Variants in XXYLT1 observed in about 807,000 individuals in gnomAD.
XXYLT1 encodes the protein UDP-xylose:alpha-xyloside alpha-1,3-xylosyltransferase.
Under a neutral mutation model 28.9 loss-of-function variants are expected in XXYLT1, and 20 were observed. The observed-to-expected ratio is 0.69, with a 90% CI of 0.49 to 1.00. The LOEUF (loss-of-function observed/expected upper bound fraction) is 1.00, where lower values mean the gene tolerates loss of function less well. XXYLT1 is among the 50% of genes least tolerant of loss of function. The pLI is 0.00. For synonymous variants in XXYLT1, 257 were observed against 253.8 expected, an observed-to-expected ratio of 1.01 and a Z score of -0.12; for missense variants, 542 against 560.1, an observed-to-expected ratio of 0.97 and a Z score of 0.33.
rs1714674282 is a variant in XXYLT1 at position 195,069,556 on chromosome 3, C to T, written c.*159G>A. 1 of 1,111,108 alleles carries T rather than the reference C, an allele frequency of 9.0e-7. No homozygotes were observed. Among genetic ancestry groups the T allele is most frequent in the African/African-American group, 1.6e-5 (1 of 63,830 alleles). The allele number at this position is 1,111,108 out of a possible 1,614,324, so 68.8% of individuals were successfully genotyped here. A position where few individuals can be genotyped will look rare whatever the true frequency, so the allele number is the denominator to read the frequency against. ...CAGGCCAGTCCTTGGCGGGTGGCCT[C>T]AGCACAGTGACCTGCCCGGCAGGAG... On this transcript the variant is annotated 3_prime_UTR_variant, in exon 4 of 4. Coordinates refer to ENST00000310380, the MANE Select transcript of XXYLT1 (RefSeq NM_152531.5).
At chr3:195,228,355 C>G (rs58048006) in intron 1 of XXYLT1, among the ~76,000 whole-genome samples, 3,549 of 152,246 alleles carry the variant, frequency 0.023, 115 homozygotes, top group African/African-American at 0.076. Flanking sequence ...TTCCCCTTTC[C>G]CTCCACCTGC....
At chr3:195,089,283 C>T (rs62290273) in intron 3 of XXYLT1, among the ~76,000 whole-genome samples, 3 of 152,094 alleles carry the variant, frequency 2.0e-5, no homozygotes, top group Non-Finnish European at 4.4e-5. Flanking sequence ...AGAGAAAGGT[C>T]GGGTTACCCA....
rs916029767 is a variant in XXYLT1, at chr3:195,070,075, C to T, written c.822G>A (p.Gln274=). ...TFWQFRHENP[Q]TRVGGPPPEG... is the part of the protein sequence containing the mutation. ...CGGGGGGCGGGCCCCCAACCCGGGT[C>T]TGGGGGTTCTCATGGCGGAACTGCC... The change falls in exon 4 of 4, where the codon CAG becomes CAA. Residue 274 remains glutamine, a synonymous_variant. Transcript: ENST00000310380. 5 of 1,586,864 alleles carry T rather than the reference C, an allele frequency of 3.2e-6. No individual in the cohort carries two copies. The highest frequency in any genetic ancestry group is 1.7e-5 in the Admixed American group (1 of 57,888).
chr3:195,259,622 C>T (rs1725608394), intron 1 of XXYLT1: 2 of 985,468 alleles, frequency 2.0e-6, no homozygotes, highest in Non-Finnish European at 2.4e-6. Context: ...CAGTCGCGTG[C>T]GACAGGCCTG....
chr3:195,267,244 C>A (rs1725874043), intron 1 of XXYLT1, among the ~76,000 whole-genome samples: 1 of 152,226 alleles, frequency 6.6e-6, no homozygotes, highest in African/African-American at 2.4e-5. Flanking sequence ...GGTCCCAGAG[C>A]CAACTGAAGG....
intron 1 of XXYLT1, among the ~76,000 whole-genome samples, chr3:195,265,513 AAT>A (rs1256828242): frequency 6.6e-6 from 1 of 152,252 alleles, no homozygotes; most frequent in African/African-American, 2.4e-5. Flanking sequence ...ACAAAGAAGC[AAT>A]ATTGCTGTGC....
At chr3:195,225,158 G>A (rs1723994480) in intron 2 of XXYLT1, among the ~76,000 whole-genome samples, 1 of 152,198 alleles carries the variant, frequency 6.6e-6, no homozygotes, top group African/African-American at 2.4e-5. Context: ...AAGGGTTGGT[G>A]AGCTGACAGA....
rs1014486819 is a variant in XXYLT1, at chr3:195,256,645, G to A, written c.504+13910C>T. 2.2e-6 allele frequency: 2 copies of A among 905,578 alleles called. No homozygotes were observed. Among genetic ancestry groups the A allele is most frequent in the African/African-American group, 3.6e-5 (2 of 55,552 alleles). 56.1% of individuals were successfully genotyped at this position (905,578 alleles called of 1,614,324 possible). On this transcript the variant is annotated intron_variant, in intron 1 of 3. Coordinates refer to ENST00000310380, the MANE Select transcript of XXYLT1 (RefSeq NM_152531.5). This position sits in a 1 kb window ranked among gnomAD's most constrained non-coding sequence, Gnocchi z 4.2. The stretch of plus-strand genomic sequence containing the variant: ...CCCCCAGCACTGTTTATACACGCCT[G>A]GAAGAGAACAGACTGTTACTCAGAG...
intron 1 of XXYLT1, among the ~76,000 whole-genome samples, chr3:195,248,248 C>T (rs1473087860): frequency 6.6e-6 from 1 of 152,138 alleles, no homozygotes; most frequent in Non-Finnish European, 1.5e-5. Flanking sequence ...CAGATACTAC[C>T]TCAGGAGGGG....
intron 2 of XXYLT1, chr3:195,214,984 C>T (rs911285327): frequency 6.6e-6 from 1 of 151,234 alleles, no homozygotes; most frequent in Non-Finnish European, 1.5e-5. Flanking sequence ...CGGCAGAAAC[C>T]CTACAAGCCA....
At chr3:195,154,704 C>A (rs1720467777) in intron 3 of XXYLT1, among the ~76,000 whole-genome samples, 1 of 152,222 alleles carries the variant, frequency 6.6e-6, no homozygotes, top group South Asian at 2.1e-4. Context: ...AGTCACACAG[C>A]ACGTTTGATC....
intron 2 of XXYLT1, chr3:195,183,757 A>G (rs896565978): frequency 6.6e-6 from 1 of 152,266 alleles, no homozygotes; most frequent in African/African-American, 2.4e-5. Flanking sequence ...CCAGAACCCA[A>G]CTGTTACCCA....
intron 2 of XXYLT1, among the ~76,000 whole-genome samples, chr3:195,172,545 G>A (rs887874129): frequency 1.3e-5 from 2 of 152,186 alleles, no homozygotes; most frequent in African/African-American, 4.8e-5. Context: ...ATCATTCAAC[G>A]AATATTTATT....
Position 195,248,982 on chromosome 3 carries a change from G to A in XXYLT1, c.504+21573C>T, listed in dbSNP as rs192010077. On this transcript the variant is annotated intron_variant, in intron 1 of 3. Coordinates refer to ENST00000310380, the MANE Select transcript of XXYLT1 (RefSeq NM_152531.5). ...TCTCGGGTATGTCTTTATCAGCAGC[G>A]TGAAAATGGACTAATACAGGAGCCA... 1.3e-3 allele frequency among the ~76,000 whole-genome samples: 193 copies of A among 152,278 alleles called. 1 individual carries two copies. The highest frequency in any genetic ancestry group is 3.4e-3 in the Middle Eastern group (1 of 294).
At chr3:195,247,850 C>G (rs1560173763) in intron 1 of XXYLT1, 4 of 700,778 alleles carry the variant, frequency 5.7e-6, no homozygotes, top group Middle Eastern at 2.3e-4. Flanking sequence ...TGCAGCAGGA[C>G]AGAGAGAGAG....
intron 3 of XXYLT1, among the ~76,000 whole-genome samples, chr3:195,087,557 C>T (rs568130210): frequency 1.4e-4 from 22 of 152,216 alleles, no homozygotes; most frequent in Admixed American, 1.0e-3. Flanking sequence ...CAGCTCTCTC[C>T]GGATAGGGCA....
intron 1 of XXYLT1, among the ~76,000 whole-genome samples, chr3:195,243,142 T>C (rs1173929296): frequency 1.3e-5 from 2 of 151,800 alleles, no homozygotes; most frequent in Non-Finnish European, 2.9e-5. Context: ...TTCTCACTCA[T>C]AGGTGGGAAC....
Position 195,210,896 on chromosome 3 carries a change from C to G in XXYLT1, c.652+15813G>C, listed in dbSNP as rs939590536. ...CACACCAAGAACCCCTGCTCCTCCCCCCAGCTGAACGCTGACAGTCAAGGG... is the reference window on the plus strand; with the variant it reads ...CACACCAAGAACCCCTGCTCCTCCCGCCAGCTGAACGCTGACAGTCAAGGG... On this transcript the variant is annotated intron_variant, in intron 2 of 3. Transcript: ENST00000310380. This position sits in a 1 kb window ranked among gnomAD's most constrained non-coding sequence, Gnocchi z 4.8. Among the ~76,000 whole-genome samples the G allele has an allele frequency of 6.6e-6, 1 of 152,194 alleles. No individual in the cohort carries two copies. The highest frequency in any genetic ancestry group is 1.9e-4 in the East Asian group (1 of 5,200).
chr3:195,264,083 C>A (rs2108857532), intron 1 of XXYLT1, among the ~76,000 whole-genome samples: 1 of 152,308 alleles, frequency 6.6e-6, no homozygotes, highest in South Asian at 2.1e-4. Flanking sequence ...GCAGAACCTG[C>A]CCATCCCTGC....
Sources: gnomAD v4.1 joint callset for allele counts (sites outside exome capture counted in the v4.1 genomes callset) on GRCh38, gnomAD v4.1.1 for gene constraint, Gnocchi (gnomAD v3.1) non-coding constraint, MANE v1.5 for transcripts, NCBI Gene and HGNC (gene_info 2026-07-23, HGNC 2026-07-21) for gene names.